EPB41L5: variants seen among roughly 807,000 people sequenced by gnomAD.
EPB41L5 encodes erythrocyte membrane protein band 4.1 like 5, also known as band 4.1-like protein 5.
In EPB41L5, 55 loss-of-function variants were observed where a neutral mutation model predicts 106.6. The ratio of observed to expected loss-of-function variants is 0.52; its 90% CI spans 0.42 to 0.65. The LOEUF (loss-of-function observed/expected upper bound fraction) is 0.65, where lower values mean the gene tolerates loss of function less well. EPB41L5 is among the 30% of genes least tolerant of loss of function. The pLI is 0.00. For synonymous variants in EPB41L5, 297 were observed against 306.7 expected, an observed-to-expected ratio of 0.97 and a Z score of 0.33; for missense variants, 871 against 882.1, an observed-to-expected ratio of 0.99 and a Z score of 0.16.
At chr2:120,052,552 G>A (rs922798722) in intron 3 of EPB41L5, among the ~76,000 whole-genome samples, 10 of 152,110 alleles carry the variant, frequency 6.6e-5, no homozygotes, top group African/African-American at 1.9e-4. Context: ...ATAGATTCCT[G>A]TTTTAATTCA....
intron 2 of EPB41L5, among the ~76,000 whole-genome samples, chr2:120,036,895 A>T (rs192070954): frequency 5.9e-5 from 9 of 152,256 alleles, no homozygotes; most frequent in Admixed American, 5.2e-4. Flanking sequence ...ATTCAAAAGT[A>T]GGAGTTCCTT....
rs538312719 is a variant in EPB41L5, at chr2:120,105,161, T to C, written c.1337+4347T>C. ...ACTATTTTTGATCCTTTTTAAACTT[T>C]AGAATTTCAAGCTCCTTGGTTTAAT... On this transcript the variant is annotated intron_variant, in intron 16 of 24. Coordinates refer to ENST00000263713, the MANE Select transcript of EPB41L5 (RefSeq NM_020909.4). 126 of 979,402 alleles carry C rather than the reference T, an allele frequency of 1.3e-4. No homozygotes were observed. In the South Asian group the frequency reaches 1.5e-3, roughly 12 times the overall value. 60.7% of individuals were successfully genotyped at this position (979,402 alleles called of 1,614,324 possible).
rs779627618 is a variant in EPB41L5, at chr2:120,113,040, G to A, written c.1337+12226G>A. On this transcript the variant is annotated intron_variant, in intron 16 of 24. Coordinates refer to ENST00000263713, the MANE Select transcript of EPB41L5 (RefSeq NM_020909.4). ...TGTAATAATTCTATTTTAGGGGGCA[G>A]TGTGAAGAATGAATTCCAATTGGTG... Among the ~76,000 whole-genome samples, 5 of 152,192 alleles carry A rather than the reference G, an allele frequency of 3.3e-5. No individual in the cohort carries two copies. In the South Asian group the frequency reaches 1.0e-3, roughly 32 times the overall value.
intron 7 of EPB41L5, among the ~76,000 whole-genome samples, chr2:120,076,466 T>C (rs1682242482): frequency 7.2e-6 from 1 of 138,808 alleles, no homozygotes. Flanking sequence ...GGCTAATTTT[T>C]GTACTTTTTT....
chr2:120,157,932 A>G (rs566402819), intron 20 of EPB41L5, among the ~76,000 whole-genome samples: 16 of 152,302 alleles, frequency 1.1e-4, no homozygotes, highest in African/African-American at 3.9e-4. Context: ...CACTGACCCC[A>G]TAGAAATACA....
At chr2:120,120,093 G>T (rs1169587699) in intron 16 of EPB41L5, among the ~76,000 whole-genome samples, 2 of 152,036 alleles carry the variant, frequency 1.3e-5, no homozygotes, top group Admixed American at 6.6e-5. Context: ...GATTTTTGAG[G>T]AAAAGAAAAA....
chr2:120,121,016 A>T (rs1466724950), intron 16 of EPB41L5, among the ~76,000 whole-genome samples: 1 of 152,108 alleles, frequency 6.6e-6, no homozygotes, highest in Admixed American at 6.5e-5. Context: ...ACTGGTGAGG[A>T]TAAGGCAGGA....
chr2:120,031,100 C>T (rs979579332), intron 2 of EPB41L5, among the ~76,000 whole-genome samples: 3 of 152,192 alleles, frequency 2.0e-5, no homozygotes, highest in African/African-American at 7.2e-5. Flanking sequence ...AACTCCTGAC[C>T]TCAGGTGATC....
At chr2:120,065,284 TA>T (rs1388464965) in intron 3 of EPB41L5, among the ~76,000 whole-genome samples, 1 of 151,440 alleles carries the variant, frequency 6.6e-6, no homozygotes, top group Non-Finnish European at 1.5e-5. Context: ...CTCAGCTAAT[TA>T]AAAAAAAATT....
chr2:120,113,484 A>G (rs1178493663), intron 16 of EPB41L5, among the ~76,000 whole-genome samples: 1 of 152,260 alleles, frequency 6.6e-6, no homozygotes, highest in African/African-American at 2.4e-5. Context: ...AGAGATGGAT[A>G]TGAACTAAGA....
At chr2:120,095,471 G>A (rs890906012) in intron 14 of EPB41L5, among the ~76,000 whole-genome samples, 1 of 149,784 alleles carries the variant, frequency 6.7e-6, no homozygotes, top group Non-Finnish European at 1.5e-5. Context: ...TGTCCTACAG[G>A]TCTCTGAGTC....
chr2:120,043,575 A>T (rs1206814025), intron 3 of EPB41L5, among the ~76,000 whole-genome samples: 3 of 21,892 alleles, frequency 1.4e-4, no homozygotes, highest in Non-Finnish European at 1.9e-4. Flanking sequence ...ATTTTTATTT[A>T]AAAAAAAAAA....
At chr2:120,081,165 A>C (rs1345261213) in intron 10 of EPB41L5, among the ~76,000 whole-genome samples, 1 of 152,114 alleles carries the variant, frequency 6.6e-6, no homozygotes, top group Non-Finnish European at 1.5e-5. Flanking sequence ...TTGGTGTTTT[A>C]GACATGAAGT....
At chr2:120,155,241 G>A (rs770574688) in intron 20 of EPB41L5, among the ~76,000 whole-genome samples, 2 of 152,036 alleles carry the variant, frequency 1.3e-5, no homozygotes, top group Admixed American at 6.6e-5. Context: ...TCTTAATTTC[G>A]CCTTCATTCT....
At chr2:120,071,426 G>A (rs527593690) in intron 3 of EPB41L5, among the ~76,000 whole-genome samples, 1 of 150,726 alleles carries the variant, frequency 6.6e-6, no homozygotes, top group South Asian at 2.1e-4. Flanking sequence ...TATAGATTCA[G>A]TGGTATCCCC....
Position 120,164,913 on chromosome 2 carries a change from A to C in EPB41L5, c.1962+3A>C, listed in dbSNP as rs745837456. On this transcript the variant is annotated splice_donor_region_variant and intron_variant, in intron 22 of 24. Transcript: ENST00000263713. ...TTGATCACACAGTTGCACCTCAGGTAAATATGCTTTAAAATAGTATGATGG... is the reference window on the plus strand; with the variant it reads ...TTGATCACACAGTTGCACCTCAGGTCAATATGCTTTAAAATAGTATGATGG... 61 of 1,602,614 alleles carry C rather than the reference A, an allele frequency of 3.8e-5. No homozygotes were observed. The highest frequency in any genetic ancestry group is 3.3e-4 in the Middle Eastern group (2 of 6,052).
chr2:120,131,619 A>T lies in EPB41L5; in HGVS notation c.1503A>T (p.Thr501=). 6.2e-7 allele frequency: 1 copy of T among 1,610,446 alleles called. No individual in the cohort carries two copies. Among genetic ancestry groups the T allele is most frequent in the South Asian group, 1.1e-5 (1 of 90,874 alleles). The change falls in exon 18 of 25, where the codon ACA becomes ACT. Residue 501 remains threonine, a splice_region_variant and synonymous_variant. Transcript: ENST00000263713. The part of the protein sequence containing the change: ...GLGEPEVEYE[T]LKDTSEKLKQ... Reference sequence around the variant, plus strand: ...TTTGCCTTTTTTTTTTCTTTTCAGCATTAAAAGACACCTCAGAGAAGCTCA... The same window carrying T: ...TTTGCCTTTTTTTTTTCTTTTCAGCTTTAAAAGACACCTCAGAGAAGCTCA...
chr2:120,119,740 C>G (rs1327540368), intron 16 of EPB41L5, among the ~76,000 whole-genome samples: 1 of 151,890 alleles, frequency 6.6e-6, no homozygotes, highest in Non-Finnish European at 1.5e-5. Flanking sequence ...TAAATATAGG[C>G]GATCAGAAAA....
intron 3 of EPB41L5, among the ~76,000 whole-genome samples, chr2:120,061,553 C>A (rs1414143546): frequency 6.6e-6 from 1 of 151,256 alleles, no homozygotes; most frequent in Non-Finnish European, 1.5e-5. Flanking sequence ...GGTTTCACCA[C>A]GTTGGGTGGG....
Sources: allele counts gnomAD v4.1 joint callset (sites outside exome capture counted in the v4.1 genomes callset), GRCh38; gene constraint gnomAD v4.1.1; transcripts MANE v1.5; gene names NCBI Gene and HGNC (gene_info 2026-07-23, HGNC 2026-07-21).